PCDHA1: variants seen among roughly 807,000 people sequenced by gnomAD.
PCDHA1 encodes the protein protocadherin alpha-1.
In PCDHA1, 42 loss-of-function variants were observed where a neutral mutation model predicts 61.3. The ratio of observed to expected loss-of-function variants is 0.69; its 90% confidence interval spans 0.54 to 0.89. The LOEUF (loss-of-function observed/expected upper bound fraction) is 0.89. Ranked by LOEUF, PCDHA1 falls within the 40% of genes least tolerant of loss-of-function variation. The pLI, the probability that PCDHA1 is intolerant of heterozygous loss-of-function variation, is 0.00. For synonymous variants in PCDHA1, 610 were observed against 553.8 expected (o/e 1.10, Z -1.43); for missense variants, 1,256 against 1,235.3 (o/e 1.02, Z -0.25).
chr5:140,883,520 G>A (rs1554178526), intron 1 of PCDHA1: 1 of 1,614,222 alleles, frequency 6.2e-7, no homozygotes, highest in Non-Finnish European at 8.5e-7. Context: ...CCGCGAGAGC[G>A]TATCAGCCTA....
rs2150261271 is a variant in PCDHA1 at position 140,836,456 on chromosome 5, C to G, written c.2394+47772C>G. ...CGTTGGGCATTGCAGGCCCAGAGAC[C>G]GAGCTGGTGGATGTCAACGTGTACC... On this transcript the variant is annotated intron_variant, in intron 1 of 3. Transcript: ENST00000504120. 17 of 1,613,808 alleles carry G rather than the reference C, an allele frequency of 1.1e-5. 2 individuals carry two copies. The highest frequency in any genetic ancestry group is 6.6e-5 in the South Asian group (6 of 91,076).
At chr5:140,882,267 C>A in intron 1 of PCDHA1, 1 of 1,610,288 alleles carries the variant, frequency 6.2e-7, no homozygotes, top group Non-Finnish European at 8.5e-7. Context: ...TTGGAGTGTA[C>A]CATGCTGTCT....
rs10076265 is a variant in PCDHA1 at position 140,884,506 on chromosome 5, G to A, written c.2395-94443G>A. 61 of 1,614,172 alleles carry A rather than the reference G, an allele frequency of 3.8e-5. No homozygotes were observed. In the South Asian group the frequency reaches 5.9e-4, roughly 16 times the overall value. ...CTCTAGTGTGCTCCAGCGCGGCAGG[G>A]AGTTGGTCGTACTCGCAGCAGAGGC... On this transcript the variant is annotated intron_variant, in intron 1 of 3. Transcript: ENST00000504120.
At chr5:141,003,181 C>T (rs564008062) in intron 3 of PCDHA1, among the ~76,000 whole-genome samples, 8 of 152,328 alleles carry the variant, frequency 5.3e-5, no homozygotes, top group African/African-American at 1.7e-4. Flanking sequence ...AGGCTCAACT[C>T]CATCAACTCA....
intron 1 of PCDHA1, chr5:140,830,208 C>T (rs2150182754): frequency 2.0e-5 from 32 of 1,613,688 alleles, no homozygotes; most frequent in Non-Finnish European, 2.6e-5. Context: ...GCCATCTGCG[C>T]GGTATCCAGC....
chr5:140,813,858 G>C (rs1554126343), intron 1 of PCDHA1: 1 of 152,212 alleles, frequency 6.6e-6, no homozygotes, highest in Non-Finnish European at 1.5e-5. Context: ...AATTAGCTAG[G>C]TGTGGTGACA....
chr5:140,976,887 C>T (rs933700917), intron 1 of PCDHA1, among the ~76,000 whole-genome samples: 2 of 152,150 alleles, frequency 1.3e-5, no homozygotes, highest in Non-Finnish European at 2.9e-5. Flanking sequence ...AATTAGGATA[C>T]ATGCAACAGT....
intron 1 of PCDHA1, chr5:140,836,151 G>C: frequency 6.2e-7 from 1 of 1,613,828 alleles, no homozygotes. Context: ...CGCGGGCCAT[G>C]TGGTGGCGAA....
At chr5:141,005,824 G>T (rs1380044629) in intron 3 of PCDHA1, among the ~76,000 whole-genome samples, 2 of 151,660 alleles carry the variant, frequency 1.3e-5, no homozygotes, top group African/African-American at 4.8e-5. Flanking sequence ...ATGGTGGCCT[G>T]TAGTCCCAGC....
At chr5:140,996,591 T>TC (rs201351256) in intron 3 of PCDHA1, among the ~76,000 whole-genome samples, 1,577 of 152,202 alleles carry the variant, frequency 0.01, 12 homozygotes, top group Middle Eastern at 0.058. Flanking sequence ...AAGGGCCGCC[T>TC]CCCCCCATTT....
chr5:140,788,804 A>G, intron 1 of PCDHA1, 120 bp downstream of exon 1: 1 of 1,431,108 alleles, frequency 7.0e-7, no homozygotes, highest in Non-Finnish European at 9.2e-7. Flanking sequence ...GAAATAAATC[A>G]TACCATTGAA....
intron 3 of PCDHA1, among the ~76,000 whole-genome samples, chr5:140,983,513 CTG>C (rs1165213074): frequency 6.6e-6 from 1 of 152,196 alleles, no homozygotes; most frequent in Non-Finnish European, 1.5e-5. Context: ...TGCCTAGACA[CTG>C]TGCCAAGTAC....
chr5:140,993,853 A>G (rs1423193144), intron 3 of PCDHA1, among the ~76,000 whole-genome samples: 5 of 152,198 alleles, frequency 3.3e-5, no homozygotes, highest in African/African-American at 7.2e-5. Context: ...GTAGTAGGCT[A>G]TGCCATCTAG....
rs200664126 is a variant in PCDHA1 at position 140,843,124 on chromosome 5, G to A, written c.2394+54440G>A. 390 of 1,595,868 alleles carry A rather than the reference G, an allele frequency of 2.4e-4. 33 individuals are homozygous for A. Among genetic ancestry groups the A allele is most frequent in the Non-Finnish European group, 2.8e-4 (332 of 1,165,564 alleles). ...AGGTGCGCGCAGTGGACGCCGACTCGGGCTACAACGCGTGGCTTTCGTATG... is the reference window on the plus strand; with the variant it reads ...AGGTGCGCGCAGTGGACGCCGACTCAGGCTACAACGCGTGGCTTTCGTATG... On this transcript the variant is annotated intron_variant, in intron 1 of 3. Coordinates refer to ENST00000504120, the MANE Select transcript of PCDHA1 (RefSeq NM_018900.4).
intron 1 of PCDHA1, chr5:140,968,908 A>G: frequency 6.2e-7 from 1 of 1,614,182 alleles, no homozygotes; most frequent in Non-Finnish European, 8.5e-7. Context: ...CATTAAGCAC[A>G]GTGTCTTTTA....
chr5:140,853,497 T>C lies in PCDHA1; in HGVS notation c.2394+64813T>C, dbSNP rs1479086696. On this transcript the variant is annotated intron_variant, in intron 1 of 3. Coordinates refer to ENST00000504120, the MANE Select transcript of PCDHA1 (RefSeq NM_018900.4). Reference sequence around the variant, plus strand: ...TAACATTCCTCAATTCAAGTTAGAATCATGAAACAATAATGAAGCTCCTCC... The same window carrying C: ...TAACATTCCTCAATTCAAGTTAGAACCATGAAACAATAATGAAGCTCCTCC... The C allele has an allele frequency of 3.6e-5, 35 of 975,892 alleles. 4 individuals are homozygous for C. The highest frequency in any genetic ancestry group is 4.2e-5 in the Non-Finnish European group (34 of 808,754). The allele number at this position is 975,892 out of a possible 1,614,324, so 60.5% of individuals were successfully genotyped here.
chr5:140,895,257 T>C (rs1180344268), intron 1 of PCDHA1, among the ~76,000 whole-genome samples: 2 of 152,212 alleles, frequency 1.3e-5, no homozygotes, highest in Non-Finnish European at 1.5e-5. Flanking sequence ...AGCTTTCTTT[T>C]TTTTCTTACT....
rs782573572 is a variant in PCDHA1, at chr5:140,788,615, C to G, written c.2325C>G (p.Gly775=). The G allele has an allele frequency of 9.3e-6, 15 of 1,613,808 alleles. No homozygotes were observed. The highest frequency in any genetic ancestry group is 3.3e-5 in the Admixed American group (2 of 59,988). Residue 775 remains glycine (G), a synonymous_variant, in exon 1 of 4, where the codon GGC becomes GGG. Transcript: ENST00000504120. ...PKTDLMAFSP[G]LSPSLNTSER... ...CCGACCTCATGGCCTTCAGCCCAGGCCTATCTCCAAGTCTTAACACGTCAG... is the reference window on the plus strand; with the variant it reads ...CCGACCTCATGGCCTTCAGCCCAGGGCTATCTCCAAGTCTTAACACGTCAG...
At chr5:140,927,720 G>A in intron 1 of PCDHA1, 6 of 1,614,174 alleles carry the variant, frequency 3.7e-6, no homozygotes, top group Non-Finnish European at 4.2e-6. Context: ...GCAACAGCAC[G>A]CAAGCAGAGC....
Sources: gnomAD v4.1 joint callset for allele counts (sites outside exome capture counted in the v4.1 genomes callset) on GRCh38, gnomAD v4.1.1 for gene constraint, MANE v1.5 for transcripts, NCBI Gene and HGNC (gene_info 2026-07-23, HGNC 2026-07-21) for gene names.